The following FAM135A variants were observed in gnomAD, a reference collection of about 807,000 sequenced individuals.
The protein encoded by FAM135A is family with sequence similarity 135 member A, also known as protein FAM135A.
FAM135A carries 79 observed loss-of-function variants against 146.8 expected under a neutral mutation model. That is an observed-to-expected ratio of 0.54 (90% confidence interval 0.45 to 0.65). The LOEUF (loss-of-function observed/expected upper bound fraction) is 0.65, where lower values mean the gene tolerates loss of function less well. Among genes scored for constraint, FAM135A ranks in the 30% least tolerant of loss-of-function variants. The pLI, the probability that FAM135A is intolerant of heterozygous loss-of-function variation, is 0.00. For missense variants in FAM135A, 1,623 were observed against 1,758.2 expected (o/e 0.92, Z 1.38); for synonymous variants, 562 against 603.6 (o/e 0.93, Z 1.01).
intron 2 of FAM135A, among the ~76,000 whole-genome samples, chr6:70,424,878 G>T (rs1434826434): frequency 6.6e-6 from 1 of 152,042 alleles, no homozygotes; most frequent in East Asian, 1.9e-4. Context: ...GTGGTTATTA[G>T]TATCGTAGTA....
chr6:70,538,350 G>T lies in FAM135A; in HGVS notation c.4177G>T (p.Asp1393Tyr). ...TTCGCTTTTGCAGCTGACATGTCGA[G>T]ATCACTCAGACCCTCGCCAAACTTT... ...SGSLLQLTCR[D>Y]HSDPRQTFLY... is the part of the protein sequence containing the mutation. The change falls in exon 20 of 22, where the codon GAT (aspartate) becomes TAT (tyrosine). Residue 1393 changes from aspartate (D) to tyrosine (Y), a missense_variant. Asp to Tyr is a radical substitution (Grantham distance 160). Coordinates refer to ENST00000418814, the MANE Select transcript of FAM135A (RefSeq NM_001162529.3). 1 of 1,531,578 alleles carries T rather than the reference G, an allele frequency of 6.5e-7. No homozygotes were observed. The highest frequency in any genetic ancestry group is 8.8e-7 in the Non-Finnish European group (1 of 1,133,018). The allele number at this position is 1,531,578 out of a possible 1,614,324, so 94.9% of individuals were successfully genotyped here.
intron 16 of FAM135A, among the ~76,000 whole-genome samples, chr6:70,531,267 C>G (rs1030770560): frequency 6.6e-6 from 1 of 152,188 alleles, no homozygotes; most frequent in Middle Eastern, 3.2e-3. Context: ...TTGCCTTGAC[C>G]TTTGCTCTTA....
At position 70,525,314 on chromosome 6, in the gene FAM135A, T is replaced by G; in HGVS notation, c.2230T>G (p.Tyr744Asp). 6.2e-7 allele frequency: 1 copy of G among 1,610,654 alleles called. No homozygotes were observed. The highest frequency in any genetic ancestry group is 1.1e-5 in the South Asian group (1 of 90,172). Residue 744 changes from tyrosine to aspartate, a missense_variant, in exon 15 of 22, where the codon TAT (tyrosine) becomes GAT (aspartate). Tyr to Asp is a radical substitution (Grantham distance 160). This residue lies in a region of FAM135A where 1,061 missense variants were observed against 1,113.8 expected (regional missense o/e 0.95). Coordinates refer to ENST00000418814, the MANE Select transcript of FAM135A (RefSeq NM_001162529.3). ...SNLPAPSTKE[Y>D]HVVVSGDTIK... ...TCTACCTGCCCCTTCTACAAAAGAATATCATGTTGTAGTAAGTGGAGATAC... is the reference window on the plus strand; with the variant it reads ...TCTACCTGCCCCTTCTACAAAAGAAGATCATGTTGTAGTAAGTGGAGATAC...
Position 70,526,562 on chromosome 6 carries a change from C to G in FAM135A, c.3478C>G (p.Arg1160Gly), listed in dbSNP as rs770056746. Residue 1160 changes from arginine (R) to glycine (G), a missense_variant, in exon 15 of 22, where the codon CGA (arginine) becomes GGA (glycine). This residue lies in a region of FAM135A where 1,061 missense variants were observed against 1,113.8 expected (regional missense o/e 0.95). Coordinates refer to ENST00000418814, the MANE Select transcript of FAM135A (RefSeq NM_001162529.3). ...TTGTTTGTCCTTCCCGTCTGCACCA[C>G]GAGAGTCTCCTTGTAATGTTAAATA... Reference protein sequence around the residue: ...SGCLSFPSAPRESPCNVKYSS... With the variant: ...SGCLSFPSAPGESPCNVKYSS... 6.2e-6 allele frequency: 10 copies of G among 1,613,488 alleles called. No homozygotes were observed. The South Asian group carries it at 1.1e-4, about 18-fold the overall frequency.
intron 5 of FAM135A, among the ~76,000 whole-genome samples, chr6:70,456,955 A>G (rs1424569256): frequency 6.6e-6 from 1 of 152,176 alleles, no homozygotes; most frequent in African/African-American, 2.4e-5. Context: ...TTGGTTAACA[A>G]TAGTTTAGAA....
At chr6:70,496,196 C>G (rs987755670) in intron 11 of FAM135A, among the ~76,000 whole-genome samples, 2 of 151,824 alleles carry the variant, frequency 1.3e-5, no homozygotes, top group South Asian at 4.2e-4. Context: ...GGTTCTAGAT[C>G]CTTAAGGAAT....
chr6:70,476,345 G>A (rs1345978939), intron 7 of FAM135A, among the ~76,000 whole-genome samples: 1 of 152,088 alleles, frequency 6.6e-6, no homozygotes, highest in Non-Finnish European at 1.5e-5. Context: ...TGTAGTTTTA[G>A]CAATAATTCT....
chr6:70,414,125 C>T (rs1766947552), intron 1 of FAM135A: 1 of 824,854 alleles, frequency 1.2e-6, no homozygotes, highest in African/African-American at 1.9e-5. Context: ...CCGGGTGGTC[C>T]CTCCTTGGGA....
chr6:70,473,912 A>T (rs1477772684), intron 5 of FAM135A, among the ~76,000 whole-genome samples: 15 of 152,048 alleles, frequency 9.9e-5, no homozygotes, highest in Non-Finnish European at 1.8e-4. Context: ...TCTCCATCTA[A>T]CTTGTGTTCC....
intron 11 of FAM135A, among the ~76,000 whole-genome samples, chr6:70,496,052 G>T (rs1336291286): frequency 6.6e-6 from 1 of 152,116 alleles, no homozygotes; most frequent in Non-Finnish European, 1.5e-5. Context: ...GGGCATTTGG[G>T]TTGGTTCCAA....
At chr6:70,538,800 G>GTTATATTATATTATATTATA (rs1272344414) in intron 20 of FAM135A, among the ~76,000 whole-genome samples, 6 of 124,026 alleles carry the variant, frequency 4.8e-5, no homozygotes, top group African/African-American at 9.7e-5. Context: ...TTCATATTAT[G>GTTATATTATATTATATTATA]TTATGTTATA....
intron 15 of FAM135A, 68 bp downstream of exon 15, chr6:70,526,766 T>TAC (rs71538422): frequency 0.045 from 20,034 of 449,518 alleles, 148 homozygotes; most frequent in East Asian, 0.074. Context: ...CACACACACA[T>TAC]ACACACACAC....
intron 2 of FAM135A, among the ~76,000 whole-genome samples, chr6:70,421,250 A>T (rs1487372079): frequency 6.6e-6 from 1 of 152,164 alleles, no homozygotes; most frequent in African/African-American, 2.4e-5. Flanking sequence ...CATCAAAATG[A>T]TAAAGCTATG....
chr6:70,525,115 AC>A lies in FAM135A; in HGVS notation c.2033del (p.Pro678LeufsTer22). 1 of 1,566,322 alleles carries A rather than the reference AC, an allele frequency of 6.4e-7. No individual in the cohort carries two copies. Among genetic ancestry groups the A allele is most frequent in the Non-Finnish European group, 8.6e-7 (1 of 1,161,544 alleles). On this transcript the variant is annotated frameshift_variant, in exon 15 of 22. Coordinates refer to ENST00000418814, the MANE Select transcript of FAM135A (RefSeq NM_001162529.3). LOFTEE classifies it high-confidence loss of function. ...SGENITVKLG[P>X]WTELRQEEIL... ...GAGAGAATATAACTGTCAAACTAGG[AC>A]CTTGGACAGAGCTTCGACAAGAGGA...
chr6:70,448,078 A>C (rs1776225374), intron 4 of FAM135A, among the ~76,000 whole-genome samples: 1 of 152,122 alleles, frequency 6.6e-6, no homozygotes, highest in South Asian at 2.1e-4. Flanking sequence ...TCACCCTCTC[A>C]TCTAACTTGC....
At chr6:70,531,966 T>C (rs1795905506) in intron 16 of FAM135A, among the ~76,000 whole-genome samples, 1 of 134,340 alleles carries the variant, frequency 7.4e-6, no homozygotes, top group African/African-American at 2.8e-5. Context: ...CACTGCAAGC[T>C]CCACCTCCCA....
chr6:70,514,563 G>A (rs565365958), intron 12 of FAM135A, among the ~76,000 whole-genome samples: 5 of 152,116 alleles, frequency 3.3e-5, no homozygotes, highest in African/African-American at 9.7e-5. Flanking sequence ...TAGATTTATC[G>A]GAGAATTAAG....
In FAM135A at chr6:70,516,684, G is replaced by A. The variant is rs544093336; in HGVS notation, c.1030-5829G>A. 1.4e-4 allele frequency among the ~76,000 whole-genome samples: 21 copies of A among 151,706 alleles called. No individual in the cohort carries two copies. The South Asian group carries it at 2.1e-3, about 15-fold the overall frequency. On this transcript the variant is annotated intron_variant, in intron 12 of 21. Coordinates refer to ENST00000418814, the MANE Select transcript of FAM135A (RefSeq NM_001162529.3). ...CAAGTAGCTGGGACTACAGGCACTCGCCACCATGCCTGGCTAATTTTTTTG... is the reference window on the plus strand; with the variant it reads ...CAAGTAGCTGGGACTACAGGCACTCACCACCATGCCTGGCTAATTTTTTTG...
In FAM135A at chr6:70,525,167, A is replaced by G. The variant is rs1435485405; in HGVS notation, c.2083A>G (p.Asn695Asp). The G allele has an allele frequency of 3.2e-6, 5 of 1,586,328 alleles. No individual in the cohort carries two copies. The highest frequency in any genetic ancestry group is 2.3e-5 in the South Asian group (2 of 85,280). ...AATACTTGTGGATAATTTACTACCC[A>G]ACTTTGAGTCCTTAGAATCTAATGG... ...EEILVDNLLPNFESLESNGKS... is the reference protein window; with the variant it reads ...EEILVDNLLPDFESLESNGKS... The change falls in exon 15 of 22, where the codon AAC (asparagine) becomes GAC (aspartate). Residue 695 changes from asparagine to aspartate, a missense_variant. Asn to Asp is a conservative substitution (Grantham distance 23, BLOSUM62 1). Coordinates refer to ENST00000418814, the MANE Select transcript of FAM135A (RefSeq NM_001162529.3).
Sources: gnomAD v4.1 joint callset for allele counts (sites outside exome capture counted in the v4.1 genomes callset) on GRCh38, gnomAD v4.1.1 for gene constraint, gnomAD v4.1.1 regional missense constraint, MANE v1.5 for transcripts, NCBI Gene and HGNC (gene_info 2026-07-23, HGNC 2026-07-21) for gene names.